The following CRYL1 variants were observed in gnomAD, a reference collection of about 807,000 sequenced individuals.
CRYL1 encodes crystallin lambda 1.
Under a neutral mutation model 36.6 loss-of-function variants are expected in CRYL1, and 29 were observed. That is an observed-to-expected ratio of 0.79 (90% CI 0.59 to 1.08). CRYL1 has a LOEUF of 1.08. CRYL1 is among the 50% of genes least tolerant of loss of function. The pLI is 0.00. For synonymous variants in CRYL1, 152 were observed against 151.5 expected (o/e 1.00, Z -0.02); for missense variants, 411 against 407.9 (o/e 1.01, Z -0.06).
chr13:20,518,774 G>A (rs536745616), intron 1 of CRYL1, among the ~76,000 whole-genome samples: 1 of 152,290 alleles, frequency 6.6e-6, no homozygotes, highest in South Asian at 2.1e-4. Flanking sequence ...GGGGGTGCTG[G>A]AAAGGGGTCA....
At position 20,525,732 on chromosome 13, in the gene CRYL1, A is replaced by C; in HGVS notation, c.41+22T>G. On this transcript the variant is annotated intron_variant, in intron 1 of 7. Coordinates refer to ENST00000298248, the MANE Select transcript of CRYL1 (RefSeq NM_015974.3). The surrounding 1 kb of genome is among the most constrained non-coding windows in gnomAD (Gnocchi z 4.3). ...CGTCTCCCCGGGCTCCAGGGGCAGCAGCGCGGCTCGGAGCCCTTTACCTGC... is the reference window on the plus strand; with the variant it reads ...CGTCTCCCCGGGCTCCAGGGGCAGCCGCGCGGCTCGGAGCCCTTTACCTGC... The C allele has an allele frequency of 7.4e-7, 1 of 1,348,258 alleles. No individual in the cohort carries two copies. Among genetic ancestry groups the C allele is most frequent in the Non-Finnish European group, 9.6e-7 (1 of 1,045,644 alleles). The allele number at this position is 1,348,258 out of a possible 1,614,324, so 83.5% of individuals were successfully genotyped here.
intron 3 of CRYL1, among the ~76,000 whole-genome samples, chr13:20,467,130 G>A (rs1206926730): frequency 2.0e-5 from 3 of 148,248 alleles, no homozygotes; most frequent in Non-Finnish European, 4.5e-5. Flanking sequence ...TTTTTTTTCA[G>A]TAGAGATGGG....
At chr13:20,440,971 A>C (rs1290783728) in intron 3 of CRYL1, among the ~76,000 whole-genome samples, 1 of 152,118 alleles carries the variant, frequency 6.6e-6, no homozygotes, top group Non-Finnish European at 1.5e-5. Flanking sequence ...GATGAAGAGG[A>C]CACCGCCCTG....
At chr13:20,473,920 T>C (rs1398722125) in intron 3 of CRYL1, among the ~76,000 whole-genome samples, 1 of 152,074 alleles carries the variant, frequency 6.6e-6, no homozygotes, top group Non-Finnish European at 1.5e-5. Flanking sequence ...TTAGTTAACA[T>C]AGCAAGTGAA....
chr13:20,458,473 C>T (rs1244632689), intron 3 of CRYL1, among the ~76,000 whole-genome samples: 2 of 152,098 alleles, frequency 1.3e-5, no homozygotes, highest in Admixed American at 6.6e-5. Flanking sequence ...TACTGTGAGC[C>T]ATACATGCAA....
chr13:20,480,486 C>T lies in CRYL1; in HGVS notation c.276+8884G>A, dbSNP rs552762310. ...AAGTAGAAATTCAGGCTAACGCTGA[C>T]CTTGAGCCAGGCTTCCTGGCAAAGA... On this transcript the variant is annotated intron_variant, in intron 3 of 7. Coordinates refer to ENST00000298248, the MANE Select transcript of CRYL1 (RefSeq NM_015974.3). Among the ~76,000 whole-genome samples, 7 of 152,334 alleles carry T rather than the reference C, an allele frequency of 4.6e-5. No homozygotes were observed. In the East Asian group the frequency reaches 1.4e-3, roughly 29 times the overall value.
chr13:20,505,375 A>AAAAAAAAAAAAAAAAAAAAAAAAAAG (rs2033777207), intron 2 of CRYL1, among the ~76,000 whole-genome samples: 1 of 151,712 alleles, frequency 6.6e-6, no homozygotes, highest in Non-Finnish European at 1.5e-5. Context: ...AAAAAAAAAA[A>AAAAAAAAAAAAAAAAAAAAAAAAAAG]AAAAAAATCA....
intron 3 of CRYL1, among the ~76,000 whole-genome samples, chr13:20,477,472 C>T (rs1007481966): frequency 9.3e-5 from 14 of 150,612 alleles, no homozygotes; most frequent in East Asian, 1.9e-4. Context: ...GGTTGGAGAG[C>T]GGGCATGGCA....
chr13:20,433,869 A>G (rs1478584267), intron 4 of CRYL1: 1 of 154,306 alleles, frequency 6.5e-6, no homozygotes, highest in Non-Finnish European at 1.5e-5. Context: ...TCCTGCTCAC[A>G]CTTTCACTGA....
chr13:20,420,701 T>TTTTTTTTGTGTG, intron 5 of CRYL1, among the ~76,000 whole-genome samples: 619 of 21,870 alleles, frequency 0.028, 170 homozygotes, highest in Admixed American at 0.18. Flanking sequence ...AAAATAGAGG[T>TTTTTTTTGTGTG]TGTGTGTGTG....
At chr13:20,467,643 G>A (rs1481340456) in intron 3 of CRYL1, among the ~76,000 whole-genome samples, 3 of 152,162 alleles carry the variant, frequency 2.0e-5, no homozygotes, top group African/African-American at 4.8e-5. Context: ...CCAACATGGC[G>A]AAACCCATCG....
chr13:20,465,680 T>G (rs2032917431), intron 3 of CRYL1, among the ~76,000 whole-genome samples: 1 of 152,166 alleles, frequency 6.6e-6, no homozygotes, highest in African/African-American at 2.4e-5. Context: ...GCAGTATTGT[T>G]TTGAAGATCT....
intron 1 of CRYL1, among the ~76,000 whole-genome samples, chr13:20,520,177 T>G (rs2034069111): frequency 6.6e-6 from 1 of 152,096 alleles, no homozygotes; most frequent in African/African-American, 2.4e-5. Flanking sequence ...AACACAAAGT[T>G]AAGAGAGAGA....
At chr13:20,523,073 C>T (rs138162538) in intron 1 of CRYL1, among the ~76,000 whole-genome samples, 281 of 151,974 alleles carry the variant, frequency 1.8e-3, no homozygotes, top group African/African-American at 6.3e-3. Flanking sequence ...TGCACCACCA[C>T]GCCCGGCTAA....
At chr13:20,509,892 T>C (rs2033883019) in intron 2 of CRYL1, among the ~76,000 whole-genome samples, 2 of 152,184 alleles carry the variant, frequency 1.3e-5, no homozygotes, top group Non-Finnish European at 1.5e-5. Context: ...ATCGTGCCAT[T>C]GCACTCCAGC....
chr13:20,446,954 A>C (rs1043925692), intron 3 of CRYL1, among the ~76,000 whole-genome samples: 1 of 152,206 alleles, frequency 6.6e-6, no homozygotes, highest in African/African-American at 2.4e-5. Flanking sequence ...ATCTAGTTGG[A>C]ATTTTTTGTT....
chr13:20,450,545 A>G (rs144887162), intron 3 of CRYL1, among the ~76,000 whole-genome samples: 306 of 152,354 alleles, frequency 2.0e-3, no homozygotes, highest in African/African-American at 6.9e-3. Context: ...AGAATTTATG[A>G]CTAAGTCAGG....
rs377728503 is a variant in CRYL1, at chr13:20,472,431, C to T, written c.276+16939G>A. Among the ~76,000 whole-genome samples the T allele has an allele frequency of 7.2e-5, 11 of 152,250 alleles. No individual in the cohort carries two copies. In the South Asian group the frequency reaches 2.3e-3, roughly 32 times the overall value. On this transcript the variant is annotated intron_variant, in intron 3 of 7. Coordinates refer to ENST00000298248, the MANE Select transcript of CRYL1 (RefSeq NM_015974.3). ...GAGGGAGGGCAGCTGTCATAGCTCACTCTTACTACAGGCATGGTCTTCTAA... is the reference window on the plus strand; with the variant it reads ...GAGGGAGGGCAGCTGTCATAGCTCATTCTTACTACAGGCATGGTCTTCTAA...
chr13:20,525,764 T>G lies in CRYL1; in HGVS notation c.31A>C (p.Ile11Leu). MASSAAGCVV[I>L]VGSGVIGRSW... is the part of the protein sequence containing the mutation. Reference sequence around the variant, plus strand: ...CTCGGAGCCCTTTACCTGCCAACGATCACCACGCAGCCGGCCGCGGAGGAC... The same window carrying G: ...CTCGGAGCCCTTTACCTGCCAACGAGCACCACGCAGCCGGCCGCGGAGGAC... The change falls in exon 1 of 8, where the codon ATC becomes CTC. Residue 11 changes from isoleucine (I) to leucine (L), a missense_variant. Coordinates refer to ENST00000298248, the MANE Select transcript of CRYL1 (RefSeq NM_015974.3). The surrounding 1 kb of genome is among the most constrained non-coding windows in gnomAD (Gnocchi z 4.3). 7.6e-7 allele frequency: 1 copy of G among 1,319,348 alleles called. No homozygotes were observed. Among genetic ancestry groups the G allele is most frequent in the Non-Finnish European group, 9.7e-7 (1 of 1,032,478 alleles). The allele number at this position is 1,319,348 out of a possible 1,614,324, so 81.7% of individuals were successfully genotyped here. A position where few individuals can be genotyped will look rare whatever the true frequency, so the allele number is the denominator to read the frequency against.
Sources: allele counts gnomAD v4.1 joint callset (sites outside exome capture counted in the v4.1 genomes callset), GRCh38; gene constraint gnomAD v4.1.1; non-coding constraint Gnocchi (gnomAD v3.1); transcripts MANE v1.5; gene names NCBI Gene and HGNC (gene_info 2026-07-23, HGNC 2026-07-21).